Variants in SEC14L1 observed in about 807,000 individuals in gnomAD.
The protein encoded by SEC14L1 is SEC14-like protein 1.
A neutral mutation model predicts 85.3 loss-of-function variants in SEC14L1; 48 were observed. That is an observed-to-expected ratio of 0.56 (90% CI 0.45 to 0.72). The LOEUF is 0.72. Ranked by LOEUF, SEC14L1 falls within the 30% of genes least tolerant of loss-of-function variation. The pLI, the probability that SEC14L1 is intolerant of heterozygous loss-of-function variation, is 0.00. For missense variants in SEC14L1, 682 were observed against 921.4 expected, an observed-to-expected ratio of 0.74 and a Z score of 3.36; for synonymous variants, 391 against 355.5, an observed-to-expected ratio of 1.10 and a Z score of -1.12.
At chr17:77,145,099 A>ATGTG (rs60478156) in intron 3 of SEC14L1, 13,251 of 114,004 alleles carry the variant, frequency 0.12, 723 homozygotes, top group Non-Finnish European at 0.16. Flanking sequence ...GTGTGTATGT[A>ATGTG]TGTGTGTGTG....
At chr17:77,183,068 A>C (rs1442954816) in intron 3 of SEC14L1, among the ~76,000 whole-genome samples, 1 of 152,236 alleles carries the variant, frequency 6.6e-6, no homozygotes, top group African/African-American at 2.4e-5. Flanking sequence ...AAAACGTGGC[A>C]GTGTTGTATT....
intron 9 of SEC14L1, among the ~76,000 whole-genome samples, chr17:77,201,654 T>C (rs1391746082): frequency 1.3e-5 from 2 of 152,116 alleles, no homozygotes; most frequent in Non-Finnish European, 2.9e-5. Flanking sequence ...TTTCACCATA[T>C]TGGCCAGGCT....
chr17:77,193,373 A>T lies in SEC14L1; in HGVS notation c.346-48A>T, dbSNP rs370390230. On this transcript the variant is annotated intron_variant, in intron 5 of 16. Transcript: ENST00000436233. Reference sequence around the variant, plus strand: ...TTAAACTGAGGAGCAGGCAGATGATATTCTGTTGTCAATTCAGTCAGTGAG... The same window carrying T: ...TTAAACTGAGGAGCAGGCAGATGATTTTCTGTTGTCAATTCAGTCAGTGAG... 3.2e-6 allele frequency: 5 copies of T among 1,538,478 alleles called. No individual in the cohort carries two copies. In the African/African-American group the frequency reaches 4.1e-5, roughly 13 times the overall value.
intron 8 of SEC14L1, 84 bp downstream of exon 8, chr17:77,196,395 G>A (rs2143063076): frequency 1.3e-6 from 1 of 777,680 alleles, no homozygotes; most frequent in Non-Finnish European, 2.1e-6. Context: ...CACCAAGAGT[G>A]ATATTCCCAA....
At chr17:77,190,291 A>G (rs972511778) in intron 3 of SEC14L1, among the ~76,000 whole-genome samples, 5 of 152,138 alleles carry the variant, frequency 3.3e-5, no homozygotes, top group African/African-American at 1.2e-4. Context: ...TGACAGGTGC[A>G]GATACTAAAA....
intron 3 of SEC14L1, among the ~76,000 whole-genome samples, chr17:77,124,236 C>T (rs563787583): frequency 1.4e-4 from 21 of 152,222 alleles, no homozygotes; most frequent in Non-Finnish European, 2.2e-4. Flanking sequence ...TGGTGGCGTG[C>T]GCCTATAGTC....
intron 3 of SEC14L1, among the ~76,000 whole-genome samples, chr17:77,146,122 T>C (rs1425097044): frequency 6.6e-6 from 1 of 152,166 alleles, no homozygotes; most frequent in Non-Finnish European, 1.5e-5. Context: ...AGCCTGTGGA[T>C]TGTTTGCCTT....
rs72882057 is a variant in SEC14L1, at chr17:77,134,278, C to T, written c.-135-8368C>T. Among the ~76,000 whole-genome samples the T allele has an allele frequency of 5.8e-3, 855 of 148,518 alleles. 2 individuals carry two copies. The highest frequency in any genetic ancestry group is 9.0e-3 in the Non-Finnish European group (610 of 67,484). ...TTTTTTTTTTTTTTGGAGACATGGT[C>T]TCTCTCTGGCACCGAGGCTGTAGTG... is the stretch of plus-strand genomic sequence containing the variant. On this transcript the variant is annotated intron_variant, in intron 3 of 19. Coordinates refer to the SEC14L1 transcript ENST00000392476.
intron 3 of SEC14L1, among the ~76,000 whole-genome samples, chr17:77,108,367 C>T (rs1971968345): frequency 6.6e-6 from 1 of 152,178 alleles, no homozygotes. Context: ...TGGGAGGTGG[C>T]AGCCCTATGG....
chr17:77,144,344 A>G (rs1973182610), intron 3 of SEC14L1, among the ~76,000 whole-genome samples: 1 of 152,276 alleles, frequency 6.6e-6, no homozygotes, highest in African/African-American at 2.4e-5. Context: ...CACTCAGCAC[A>G]CCTGGGATAC....
intron 8 of SEC14L1, among the ~76,000 whole-genome samples, 191 bp downstream of exon 8, chr17:77,196,502 A>G (rs1975813277): frequency 2.0e-5 from 3 of 152,248 alleles, no homozygotes; most frequent in Non-Finnish European, 4.4e-5. Flanking sequence ...ATGCATGACT[A>G]ACTGCATTTT....
Position 77,215,414 on chromosome 17 carries a change from G to A in SEC14L1, c.*1391G>A. ...CAAACCCCACGCGGCTGTCAACTGT[G>A]TGCGTGGTAGGCATGGAGATCCTGG... On this transcript the variant is annotated 3_prime_UTR_variant, in exon 17 of 17. Transcript: ENST00000436233. 1.0e-6 allele frequency: 1 copy of A among 985,498 alleles called. No individual in the cohort carries two copies. Among genetic ancestry groups the A allele is most frequent in the Non-Finnish European group, 1.2e-6 (1 of 829,994 alleles). The allele number at this position is 985,498 out of a possible 1,614,324, so 61.0% of individuals were successfully genotyped here. A position where few individuals can be genotyped will look rare whatever the true frequency, so the allele number is the denominator to read the frequency against.
At chr17:77,134,231 C>T (rs1972711649) in intron 3 of SEC14L1, among the ~76,000 whole-genome samples, 1 of 151,134 alleles carries the variant, frequency 6.6e-6, no homozygotes, top group Non-Finnish European at 1.5e-5. Flanking sequence ...CACTTGAACA[C>T]AACATGCAAC....
intron 3 of SEC14L1, among the ~76,000 whole-genome samples, chr17:77,165,891 A>C (rs2143658090): frequency 6.6e-6 from 1 of 152,306 alleles, no homozygotes; most frequent in African/African-American, 2.4e-5. Flanking sequence ...TATTTGGTGC[A>C]TTTCCAAAGT....
chr17:77,199,008 T>TA (rs953499250), intron 8 of SEC14L1: 1 of 149,818 alleles, frequency 6.7e-6, no homozygotes, highest in Admixed American at 6.7e-5. Flanking sequence ...CTTCTTTCTT[T>TA]TTTTTTTTTT....
rs11870709 is a variant in SEC14L1 at position 77,180,046 on chromosome 17, T to A, written c.64-10757T>A. Among the ~76,000 whole-genome samples, 462 of 121,086 alleles carry A rather than the reference T, an allele frequency of 3.8e-3. 3 individuals are homozygous for A. Among genetic ancestry groups the A allele is most frequent in the Admixed American group, 0.017 (191 of 11,448 alleles). 79.4% of individuals were successfully genotyped at this position (121,086 alleles called of 152,430 possible). On this transcript the variant is annotated intron_variant, in intron 3 of 16. Transcript: ENST00000436233. ...TTTTATTTTGATGTTATGTTTTGTT[T>A]TGTTATGTTATGTTATGTTATGTTA...
intron 3 of SEC14L1, among the ~76,000 whole-genome samples, chr17:77,155,875 C>T (rs1260357069): frequency 1.3e-5 from 2 of 152,148 alleles, no homozygotes; most frequent in Non-Finnish European, 2.9e-5. Context: ...CCACTTCGCC[C>T]AGTCCACGTA....
In SEC14L1 at chr17:77,206,308, A is replaced by T; in HGVS notation, c.1249A>T (p.Ile417Phe). Residue 417 changes from isoleucine to phenylalanine, a missense_variant, in exon 12 of 17, where the codon ATC becomes TTC. Physicochemically the swap from Ile to Phe is conservative, Grantham distance 21. Coordinates refer to ENST00000436233, the MANE Select transcript of SEC14L1 (RefSeq NM_001143998.2). This position sits in a 1 kb window ranked among gnomAD's most constrained non-coding sequence, Gnocchi z 4.3. Reference sequence around the variant, plus strand: ...ACCTGGTGTGAAAGCGCTGCTGCGGATCATCGAGGTGGTGGAGGCCAACTA... The same window carrying T: ...ACCTGGTGTGAAAGCGCTGCTGCGGTTCATCGAGGTGGTGGAGGCCAACTA... ...WRPGVKALLR[I>F]IEVVEANYPE... 1 of 1,614,138 alleles carries T rather than the reference A, an allele frequency of 6.2e-7. No homozygotes were observed. The highest frequency in any genetic ancestry group is 2.2e-5 in the East Asian group (1 of 44,872).
chr17:77,185,412 T>G, intron 3 of SEC14L1: 1 of 984,082 alleles, frequency 1.0e-6, no homozygotes, highest in South Asian at 4.7e-5. Context: ...CAAATATGAG[T>G]CTACGTGGAT....
Sources: allele counts gnomAD v4.1 joint callset (sites outside exome capture counted in the v4.1 genomes callset), GRCh38; gene constraint gnomAD v4.1.1; non-coding constraint Gnocchi (gnomAD v3.1); transcripts MANE v1.5; gene names NCBI Gene and HGNC (gene_info 2026-07-23, HGNC 2026-07-21).